PHF24: variants seen among roughly 807,000 people sequenced by gnomAD.
PHF24 encodes Galpha inhibitory interacting protein.
In PHF24, 25 loss-of-function variants were observed where a neutral mutation model predicts 42.6. The observed-to-expected ratio is 0.59, with a 90% confidence interval of 0.43 to 0.82. PHF24 has a LOEUF of 0.82. Ranked by LOEUF, PHF24 falls within the 40% of genes least tolerant of loss-of-function variation. PHF24 has a pLI of 0.00. For synonymous variants in PHF24, 185 were observed against 204.8 expected, an observed-to-expected ratio of 0.90 and a Z score of 0.83; for missense variants, 470 against 538.1, an observed-to-expected ratio of 0.87 and a Z score of 1.25.
At chr9:34,917,558 C>T in the PHF24 span, 1 of 776,366 alleles carries the variant, frequency 1.3e-6, no homozygotes, top group Non-Finnish European at 2.4e-6. Context: ...GAGCAACCAG[C>T]ACCCCTGGTT....
the PHF24 span, among the ~76,000 whole-genome samples, chr9:34,941,159 A>T: frequency 3.3e-5 from 5 of 152,062 alleles, no homozygotes; most frequent in Admixed American, 2.0e-4. Context: ...CCTCCTGGGG[A>T]CCTAGCACAA....
chr9:34,750,579 G>A, the PHF24 span, among the ~76,000 whole-genome samples: 1 of 151,830 alleles, frequency 6.6e-6, no homozygotes, highest in African/African-American at 2.4e-5. Context: ...GTTTTTGTTA[G>A]TTTTCCCTTT....
chr9:34,912,313 A>G, the PHF24 span, among the ~76,000 whole-genome samples: 560 of 152,140 alleles, frequency 3.7e-3, 1 homozygote, highest in South Asian at 0.026. Context: ...TGTAGACCCA[A>G]TCACACAGAA....
At chr9:34,715,428 G>T in the PHF24 span, among the ~76,000 whole-genome samples, 2 of 152,114 alleles carry the variant, frequency 1.3e-5, no homozygotes, top group African/African-American at 4.8e-5. Context: ...AGCTGGGTTT[G>T]GGGATTTGGA....
the PHF24 span, among the ~76,000 whole-genome samples, chr9:34,797,002 T>C: frequency 6.6e-6 from 1 of 152,198 alleles, no homozygotes; most frequent in East Asian, 1.9e-4. Context: ...ACTCAGCAAT[T>C]AAAAGAATAC....
the PHF24 span, among the ~76,000 whole-genome samples, chr9:34,938,773 CAAAAAAA>C: frequency 7.0e-6 from 1 of 143,032 alleles, no homozygotes; most frequent in Non-Finnish European, 1.5e-5. Flanking sequence ...ACTAAAAATA[CAAAAAAA>C]AAAAAAATTA....
At chr9:34,827,692 C>T in the PHF24 span, among the ~76,000 whole-genome samples, 1 of 152,162 alleles carries the variant, frequency 6.6e-6, no homozygotes, top group African/African-American at 2.4e-5. Context: ...TGTGGTAGGT[C>T]AGAAGGGGAA....
At chr9:34,815,458 G>A in the PHF24 span, among the ~76,000 whole-genome samples, 2 of 152,176 alleles carry the variant, frequency 1.3e-5, no homozygotes, top group Non-Finnish European at 1.5e-5. Context: ...GAGTAGCTGG[G>A]ACTACAGGCG....
the PHF24 span, among the ~76,000 whole-genome samples, chr9:34,768,713 G>T: frequency 6.6e-6 from 1 of 152,134 alleles, no homozygotes; most frequent in Non-Finnish European, 1.5e-5. Context: ...TGCTTATCTT[G>T]CTCTTCATTG....
At chr9:34,722,385 A>G in the PHF24 span, among the ~76,000 whole-genome samples, 4 of 152,216 alleles carry the variant, frequency 2.6e-5, no homozygotes, top group African/African-American at 9.6e-5. Context: ...TCATGAATAC[A>G]GTGGGTTTGG....
the PHF24 span, among the ~76,000 whole-genome samples, chr9:34,698,891 G>A: frequency 3.3e-5 from 5 of 152,232 alleles, no homozygotes. Flanking sequence ...AGATAAGGGT[G>A]TGCTGTAGGA....
At chr9:34,680,307 G>A in the PHF24 span, among the ~76,000 whole-genome samples, 101 of 152,112 alleles carry the variant, frequency 6.6e-4, no homozygotes, top group South Asian at 1.5e-3. Flanking sequence ...TCTGGGAGGC[G>A]GAGGTTGCAG....
At chr9:34,827,108 T>C in the PHF24 span, among the ~76,000 whole-genome samples, 1 of 152,118 alleles carries the variant, frequency 6.6e-6, no homozygotes, top group African/African-American at 2.4e-5. Context: ...CTCAAGCAGG[T>C]AGGAGCCTGC....
the PHF24 span, among the ~76,000 whole-genome samples, chr9:34,776,238 CTTACTT>C: frequency 1.3e-5 from 2 of 152,268 alleles, no homozygotes; most frequent in Admixed American, 6.5e-5. Flanking sequence ...ACTCTTAAAA[CTTACTT>C]TTAGGATGGA....
chr9:34,834,017 A>G, the PHF24 span: 1 of 1,549,152 alleles, frequency 6.5e-7, no homozygotes, highest in Non-Finnish European at 8.7e-7. Context: ...CAAGACTCGG[A>G]GCAGCTTAGG....
the PHF24 span, among the ~76,000 whole-genome samples, chr9:34,698,697 C>T: frequency 6.6e-6 from 1 of 152,190 alleles, no homozygotes; most frequent in Admixed American, 6.5e-5. Flanking sequence ...TTAGGCTGGT[C>T]TTGAACTCCT....
exon 8 of PHF24, chr9:34,979,435 C>T (rs1285740999): frequency 6.6e-6 from 1 of 152,274 alleles, no homozygotes; most frequent in African/African-American, 2.4e-5. Flanking sequence ...CCCAGCCCTC[C>T]TTCCTAAGTA....
the PHF24 span, chr9:34,922,639 G>T: frequency 9.6e-7 from 1 of 1,046,650 alleles, no homozygotes; most frequent in Non-Finnish European, 1.5e-6. Flanking sequence ...GTACATCATT[G>T]CAGCTATCTC....
chr9:34,671,079 C>A, the PHF24 span, among the ~76,000 whole-genome samples: 1 of 152,160 alleles, frequency 6.6e-6, no homozygotes, highest in Non-Finnish European at 1.5e-5. Flanking sequence ...CAGCACTGTC[C>A]CTCTCCCTTA....
Sources: allele counts gnomAD v4.1 joint callset (sites outside exome capture counted in the v4.1 genomes callset), GRCh38; gene constraint gnomAD v4.1.1; transcripts MANE v1.5; gene names NCBI Gene and HGNC (gene_info 2026-07-23, HGNC 2026-07-21).